Variants in FANCC observed in about 807,000 individuals in gnomAD.
The protein encoded by FANCC is Fanconi anemia group C protein.
A neutral mutation model predicts 71.3 loss-of-function variants in FANCC; 55 were observed. The ratio of observed to expected loss-of-function variants is 0.77; its 90% CI spans 0.62 to 0.97. FANCC has a LOEUF of 0.97. FANCC is among the 50% of genes least tolerant of loss of function. FANCC has a pLI of 0.00. For missense variants in FANCC, 678 were observed against 670.9 expected (o/e 1.01, Z -0.12); for synonymous variants, 275 against 244.9 (o/e 1.12, Z -1.15).
intron 1 of FANCC, among the ~76,000 whole-genome samples, chr9:95,270,037 G>C (rs1832630675): frequency 6.6e-6 from 1 of 152,156 alleles, no homozygotes; most frequent in Non-Finnish European, 1.5e-5. Flanking sequence ...ACATGTTTCA[G>C]AGAGCACGGG....
At chr9:95,165,990 C>T (rs1254140241) in intron 6 of FANCC, among the ~76,000 whole-genome samples, 1 of 151,932 alleles carries the variant, frequency 6.6e-6, no homozygotes, top group Non-Finnish European at 1.5e-5. Context: ...TGTTGTATCT[C>T]CCTGAATTGA....
intron 1 of FANCC, among the ~76,000 whole-genome samples, chr9:95,272,168 G>A (rs1168313321): frequency 2.6e-5 from 4 of 151,504 alleles, no homozygotes; most frequent in African/African-American, 9.7e-5. Context: ...TCGATCTCCT[G>A]ACCTCGTGAT....
chr9:95,247,292 T>C, intron 3 of FANCC, 140 bp downstream of exon 3: 1 of 695,080 alleles, frequency 1.4e-6, no homozygotes, highest in Non-Finnish European at 2.5e-6. Flanking sequence ...AAGCCATCTT[T>C]GTAATAGAAC....
intron 9 of FANCC, among the ~76,000 whole-genome samples, chr9:95,126,106 G>T (rs990463284): frequency 5.3e-5 from 8 of 152,236 alleles, no homozygotes; most frequent in African/African-American, 1.9e-4. Context: ...CCTTTCAGAA[G>T]AGTTCTGTTA....
At chr9:95,296,189 G>A (rs1328210608) in intron 1 of FANCC, among the ~76,000 whole-genome samples, 3 of 152,138 alleles carry the variant, frequency 2.0e-5, no homozygotes, top group African/African-American at 7.2e-5. Context: ...TTTTACATCT[G>A]AAAATATCAA....
intron 8 of FANCC, among the ~76,000 whole-genome samples, chr9:95,133,487 A>C (rs1022323272): frequency 6.6e-6 from 1 of 152,254 alleles, no homozygotes; most frequent in Non-Finnish European, 1.5e-5. Flanking sequence ...TGTAAACTAC[A>C]AACTGGAGAC....
At chr9:95,159,806 T>C (rs1276685641) in intron 6 of FANCC, among the ~76,000 whole-genome samples, 1 of 152,244 alleles carries the variant, frequency 6.6e-6, no homozygotes, top group Non-Finnish European at 1.5e-5. Flanking sequence ...TTTTTCCATG[T>C]GTCTGTTGGC....
intron 13 of FANCC, among the ~76,000 whole-genome samples, chr9:95,108,677 T>G (rs2071655715): frequency 6.6e-6 from 1 of 152,196 alleles, no homozygotes; most frequent in South Asian, 2.1e-4. Context: ...ACATATATGC[T>G]TACTATGGAA....
chr9:95,279,140 A>C (rs1391235685), intron 1 of FANCC, among the ~76,000 whole-genome samples: 1 of 151,722 alleles, frequency 6.6e-6, no homozygotes, highest in Non-Finnish European at 1.5e-5. Flanking sequence ...ACATGGTGAA[A>C]CCCCCCGTCT....
At chr9:95,248,410 T>C (rs1831128838) in intron 2 of FANCC, among the ~76,000 whole-genome samples, 1 of 152,210 alleles carries the variant, frequency 6.6e-6, no homozygotes, top group African/African-American at 2.4e-5. Flanking sequence ...ACAGACTGTA[T>C]CTTTCCTTAT....
chr9:95,107,711 T>C (rs1321074080), intron 13 of FANCC, among the ~76,000 whole-genome samples: 1 of 152,060 alleles, frequency 6.6e-6, no homozygotes, highest in Non-Finnish European at 1.5e-5. Flanking sequence ...TCTTGCTATA[T>C]TGGGGGTCAG....
intron 4 of FANCC, among the ~76,000 whole-genome samples, chr9:95,172,663 A>T (rs1365581713): frequency 6.6e-6 from 1 of 152,204 alleles, no homozygotes; most frequent in East Asian, 1.9e-4. Flanking sequence ...AGGACAGATT[A>T]TGTAATAAAT....
intron 1 of FANCC, among the ~76,000 whole-genome samples, chr9:95,272,239 C>T (rs1832784603): frequency 6.6e-6 from 1 of 151,888 alleles, no homozygotes; most frequent in Non-Finnish European, 1.5e-5. Flanking sequence ...CGCCCGGCCC[C>T]GCCTCCTCTT....
At chr9:95,313,650 G>A (rs779478085) in intron 1 of FANCC, among the ~76,000 whole-genome samples, 2 of 152,050 alleles carry the variant, frequency 1.3e-5, no homozygotes, top group Non-Finnish European at 2.9e-5. Context: ...ACCAAAGCCA[G>A]ACAGACATCA....
At chr9:95,132,047 T>C (rs1826990041) in intron 8 of FANCC, among the ~76,000 whole-genome samples, 1 of 152,190 alleles carries the variant, frequency 6.6e-6, no homozygotes, top group African/African-American at 2.4e-5. Flanking sequence ...TATTCTGATA[T>C]CAAATCTTAG....
Position 95,126,549 on chromosome 9 carries a change from C to A in FANCC, c.876G>T (p.Arg292=), listed in dbSNP as rs1215600153. ...PQAACHPAIF[R]VVDEMFRCAL... ...TTTACCTGAACATCTCATCAACAAC[C>A]CGGAATATGGCAGGGTGGCAGGCTG... Residue 292 remains arginine (R), a synonymous_variant, in exon 9 of 15, where the codon CGG becomes CGT. Transcript: ENST00000289081. The A allele has an allele frequency of 6.2e-7, 1 of 1,614,016 alleles. No homozygotes were observed. The highest frequency in any genetic ancestry group is 1.1e-5 in the South Asian group (1 of 91,070).
chr9:95,277,258 A>G (rs1833097571), intron 1 of FANCC, among the ~76,000 whole-genome samples: 1 of 152,234 alleles, frequency 6.6e-6, no homozygotes, highest in Admixed American at 6.5e-5. Context: ...AGAGCACATT[A>G]ATGTAAAATT....
At chr9:95,183,728 T>C (rs1441296693) in intron 4 of FANCC, among the ~76,000 whole-genome samples, 2 of 152,140 alleles carry the variant, frequency 1.3e-5, no homozygotes, top group Non-Finnish European at 2.9e-5. Context: ...GCAGTAACCT[T>C]CGGGTGCTGG....
At chr9:95,131,872 GT>G (rs1458750766) in intron 8 of FANCC, among the ~76,000 whole-genome samples, 2 of 152,086 alleles carry the variant, frequency 1.3e-5, no homozygotes, top group African/African-American at 4.8e-5. Context: ...TCTTTCTGAA[GT>G]GCTACAATTG....
Sources: allele counts gnomAD v4.1 joint callset (sites outside exome capture counted in the v4.1 genomes callset), GRCh38; gene constraint gnomAD v4.1.1; transcripts MANE v1.5; gene names NCBI Gene and HGNC (gene_info 2026-07-23, HGNC 2026-07-21).